Variants in ZNF804B observed in about 807,000 individuals in gnomAD.
ZNF804B encodes zinc finger 804B.
ZNF804B carries 80 observed loss-of-function variants against 101.4 expected under a neutral mutation model. The observed-to-expected ratio is 0.79, with a 90% CI of 0.66 to 0.95. The LOEUF is 0.95. Among genes scored for constraint, ZNF804B ranks in the 40% least tolerant of loss-of-function variants. ZNF804B has a pLI of 0.00. For missense variants in ZNF804B, 1,673 were observed against 1,561.9 expected, an observed-to-expected ratio of 1.07 and a Z score of -1.20; for synonymous variants, 622 against 558.8, an observed-to-expected ratio of 1.11 and a Z score of -1.59.
chr7:89,081,346 A>G (rs889146169), intron 1 of ZNF804B, among the ~76,000 whole-genome samples: 6 of 151,830 alleles, frequency 4.0e-5, no homozygotes, highest in African/African-American at 1.4e-4. Flanking sequence ...CTCCAATTAG[A>G]TATACTACCC....
chr7:89,281,647 G>A (rs1562936062), intron 2 of ZNF804B, among the ~76,000 whole-genome samples: 2 of 152,132 alleles, frequency 1.3e-5, no homozygotes, highest in Non-Finnish European at 2.9e-5. Flanking sequence ...AACAAAAAGT[G>A]CCATGGCAAG....
At chr7:89,162,535 C>T (rs79285959) in intron 1 of ZNF804B, among the ~76,000 whole-genome samples, 2,261 of 151,608 alleles carry the variant, frequency 0.015, 49 homozygotes, top group South Asian at 0.031. Flanking sequence ...TTTACTAATA[C>T]CTTTAATTTT....
At chr7:89,275,804 G>C (rs1163810932) in intron 2 of ZNF804B, among the ~76,000 whole-genome samples, 1 of 151,788 alleles carries the variant, frequency 6.6e-6, no homozygotes, top group Non-Finnish European at 1.5e-5. Context: ...GGAGGATAAA[G>C]ACTTTTCTTT....
chr7:89,117,684 C>T (rs1790331866), intron 1 of ZNF804B, among the ~76,000 whole-genome samples: 1 of 152,112 alleles, frequency 6.6e-6, no homozygotes, highest in Admixed American at 6.5e-5. Flanking sequence ...TTATATTATA[C>T]TTGTGCTATT....
chr7:89,243,152 A>T (rs1440645526), intron 2 of ZNF804B, among the ~76,000 whole-genome samples: 1 of 151,822 alleles, frequency 6.6e-6, no homozygotes, highest in Admixed American at 6.6e-5. Context: ...TGTTAATTAA[A>T]AGAAGTCCTA....
chr7:88,845,311 A>G (rs991389383), intron 1 of ZNF804B, among the ~76,000 whole-genome samples: 2 of 152,068 alleles, frequency 1.3e-5, no homozygotes, highest in South Asian at 2.1e-4. Flanking sequence ...GCACACACAC[A>G]CACACACACA....
intron 1 of ZNF804B, among the ~76,000 whole-genome samples, chr7:88,994,593 G>A (rs1293041099): frequency 1.3e-5 from 2 of 151,900 alleles, no homozygotes; most frequent in Non-Finnish European, 2.9e-5. Context: ...ATATATTCAG[G>A]TTATATCCAA....
At chr7:88,864,485 A>G (rs1791697032) in intron 1 of ZNF804B, among the ~76,000 whole-genome samples, 1 of 152,180 alleles carries the variant, frequency 6.6e-6, no homozygotes, top group Non-Finnish European at 1.5e-5. Context: ...ACTGGCTCTC[A>G]ACTAGTTGCT....
chr7:88,881,025 A>T (rs1583994881), intron 1 of ZNF804B, among the ~76,000 whole-genome samples: 1 of 152,092 alleles, frequency 6.6e-6, no homozygotes, highest in East Asian at 1.9e-4. Context: ...AACTCATAGT[A>T]AAATGAGTAT....
intron 1 of ZNF804B, among the ~76,000 whole-genome samples, chr7:89,197,916 T>C (rs1344088723): frequency 6.6e-6 from 1 of 151,850 alleles, no homozygotes; most frequent in Non-Finnish European, 1.5e-5. Context: ...AATTGGATGC[T>C]TAGACATTAC....
chr7:89,143,976 A>T (rs1459179063), intron 1 of ZNF804B, among the ~76,000 whole-genome samples: 1 of 151,980 alleles, frequency 6.6e-6, no homozygotes, highest in East Asian at 1.9e-4. Flanking sequence ...TCTCTCCAAT[A>T]ATATTAGCTA....
intron 1 of ZNF804B, among the ~76,000 whole-genome samples, chr7:89,090,845 G>A (rs1227379079): frequency 1.3e-5 from 2 of 151,912 alleles, no homozygotes; most frequent in African/African-American, 2.4e-5. Context: ...TACCCACAGA[G>A]AGTATAAAGG....
intron 1 of ZNF804B, among the ~76,000 whole-genome samples, chr7:88,935,953 T>C (rs1792961873): frequency 6.6e-6 from 1 of 151,520 alleles, no homozygotes; most frequent in Non-Finnish European, 1.5e-5. Context: ...TTCTTTCATC[T>C]TTCTGTTTTC....
chr7:88,895,295 C>T (rs771262956), intron 1 of ZNF804B, among the ~76,000 whole-genome samples: 10 of 152,238 alleles, frequency 6.6e-5, no homozygotes, highest in South Asian at 6.2e-4. Flanking sequence ...ATGGTAGAAG[C>T]GAAGCTTCTC....
intron 2 of ZNF804B, among the ~76,000 whole-genome samples, chr7:89,266,590 T>C (rs577072693): frequency 7.3e-4 from 111 of 152,284 alleles, no homozygotes; most frequent in Non-Finnish European, 1.3e-3. Flanking sequence ...AAAGTTCCTC[T>C]TGCATGAATA....
chr7:88,798,736 GT>G (rs1298138481), intron 1 of ZNF804B, among the ~76,000 whole-genome samples: 2 of 152,062 alleles, frequency 1.3e-5, no homozygotes, highest in Non-Finnish European at 2.9e-5. Flanking sequence ...AATTCAGACA[GT>G]TTTTGATTCA....
intron 2 of ZNF804B, among the ~76,000 whole-genome samples, chr7:89,251,519 G>T (rs557096158): frequency 1.1e-4 from 16 of 147,176 alleles, no homozygotes; most frequent in African/African-American, 3.5e-4. Flanking sequence ...AATCCATACT[G>T]CCCAAAGCAA....
chr7:88,845,138 T>C (rs1365948798), intron 1 of ZNF804B, among the ~76,000 whole-genome samples: 7 of 152,200 alleles, frequency 4.6e-5, no homozygotes, highest in African/African-American at 1.7e-4. Context: ...GAAAAGCATG[T>C]AGCAATAGCT....
At chr7:88,941,942 C>A (rs905921087) in intron 1 of ZNF804B, among the ~76,000 whole-genome samples, 5 of 151,804 alleles carry the variant, frequency 3.3e-5, no homozygotes, top group African/African-American at 1.2e-4. Flanking sequence ...ATTCCTTGGG[C>A]CCTGAAGTCC....
Sources: allele counts gnomAD v4.1 joint callset (sites outside exome capture counted in the v4.1 genomes callset), GRCh38; gene constraint gnomAD v4.1.1; transcripts MANE v1.5; gene names NCBI Gene and HGNC (gene_info 2026-07-23, HGNC 2026-07-21).